The following ENTPD6 variants were observed in gnomAD, a reference collection of about 807,000 sequenced individuals.
ENTPD6 encodes the protein ectonucleoside triphosphate diphosphohydrolase 6, also known as CD39 antigen-like 2.
A neutral mutation model predicts 61.5 loss-of-function variants in ENTPD6; 46 were observed. The observed-to-expected ratio is 0.75, with a 90% CI of 0.59 to 0.96. The LOEUF is 0.96. Among genes scored for constraint, ENTPD6 ranks in the 40% least tolerant of loss-of-function variants. ENTPD6 has a pLI of 0.00. For synonymous variants in ENTPD6, 252 were observed against 255.5 expected (o/e 0.99, Z 0.13); for missense variants, 612 against 629.0 (o/e 0.97, Z 0.29).
intron 12 of ENTPD6, 40 bp from the exon 13 acceptor site, chr20:25,224,061 T>TCA: frequency 6.3e-7 from 1 of 1,597,746 alleles, no homozygotes; most frequent in Non-Finnish European, 8.6e-7. Context: ...ATCGCCAACC[T>TCA]CACAGTGCTC....
At position 25,216,698 on chromosome 20, in the gene ENTPD6, G is replaced by A. The variant is rs1244073035; in HGVS notation, c.760G>A (p.Gly254Arg). ...CAGCGTGGGCATGCTGGACTTGGGC[G>A]GAGGATCCACTCAGATCGCCTTCCT... is the stretch of plus-strand genomic sequence containing the variant. ...GSSVGMLDLG[G>R]GSTQIAFLPR... The change falls in exon 8 of 15, where the codon GGA becomes AGA. Residue 254 changes from glycine (G) to arginine (R), a missense_variant. Gly to Arg is a moderately radical substitution (Grantham distance 125). Transcript: ENST00000376652. 9 of 1,607,552 alleles carry A rather than the reference G, an allele frequency of 5.6e-6. No individual in the cohort carries two copies. The highest frequency in any genetic ancestry group is 2.2e-5 in the East Asian group (1 of 44,690).
chr20:25,207,057 T>C lies in ENTPD6; in HGVS notation c.55-19T>C, dbSNP rs766653494. On this transcript the variant is annotated intron_variant, in intron 2 of 14. Transcript: ENST00000376652. ...AGCACCCTAACGTGCTTTTCCTGCC[T>C]CTCCCCCCTTCCCACCAGCAGCCGC... The C allele has an allele frequency of 5.0e-6, 8 of 1,584,266 alleles. No individual in the cohort carries two copies. Among genetic ancestry groups the C allele is most frequent in the African/African-American group, 4.0e-5 (3 of 74,404 alleles).
intron 13 of ENTPD6, 95 bp from the exon 14 acceptor site, chr20:25,225,110 G>A (rs2092759374): frequency 7.3e-6 from 11 of 1,509,538 alleles, no homozygotes; most frequent in Middle Eastern, 2.2e-4. Context: ...CGGAGCCAGC[G>A]GGTGCCTGTA....
rs2092394749 is a variant in ENTPD6 at position 25,217,696 on chromosome 20, G to A, written c.878+115G>A. On this transcript the variant is annotated intron_variant, in intron 9 of 14. Transcript: ENST00000376652. ...GCAGATCTGGGAATCCCTGTGCTGG[G>A]AATCCACCCAGACCTCTCTCTCCTC... The A allele has an allele frequency of 5.7e-6, 5 of 881,774 alleles. No homozygotes were observed. The South Asian group carries it at 7.3e-5, about 13-fold the overall frequency. The allele number at this position is 881,774 out of a possible 1,614,324, so 54.6% of individuals were successfully genotyped here.
At chr20:25,205,480 G>A (rs6083776) in intron 1 of ENTPD6, among the ~76,000 whole-genome samples, 83,049 of 152,002 alleles carry the variant, frequency 0.55, 23,691 homozygotes, top group East Asian at 0.92. Context: ...GGGCAAGGAC[G>A]AAAGAGGAGT....
At chr20:25,196,118 CA>C in intron 1 of ENTPD6, 1 of 1,192,394 alleles carries the variant, frequency 8.4e-7, no homozygotes, top group Non-Finnish European at 1.0e-6. Flanking sequence ...CCTGTAGCCC[CA>C]GGGGGCCCCA....
At chr20:25,223,852 G>T (rs751707307) in intron 12 of ENTPD6, 25 of 364,532 alleles carry the variant, frequency 6.9e-5, no homozygotes, top group Non-Finnish European at 1.2e-4. Context: ...TTCCTGGTGA[G>T]CTTTCTCGGG....
At position 25,203,809 on chromosome 20, in the gene ENTPD6, C is replaced by T. The variant is rs527436010; in HGVS notation, c.-15-2713C>T. ...TGTGTTTTCCTGTTTCTTTGTATGC[C>T]GTGTGATTTTTTTGCTGAACATTGG... is the stretch of plus-strand genomic sequence containing the variant. On this transcript the variant is annotated intron_variant, in intron 1 of 14. Transcript: ENST00000376652. Among the ~76,000 whole-genome samples the T allele has an allele frequency of 1.7e-4, 26 of 152,218 alleles. No individual in the cohort carries two copies. In the South Asian group the frequency reaches 3.1e-3, roughly 18 times the overall value.
At chr20:25,207,460 T>C (rs1600545683) in intron 3 of ENTPD6, 63 bp downstream of exon 3, 34 of 1,416,784 alleles carry the variant, frequency 2.4e-5, no homozygotes, top group Non-Finnish European at 3.8e-6. Context: ...GTTGGCCGGG[T>C]CCCCTGCCAC....
At chr20:25,205,489 G>A (rs1261006805) in intron 1 of ENTPD6, among the ~76,000 whole-genome samples, 1 of 152,048 alleles carries the variant, frequency 6.6e-6, no homozygotes, top group Non-Finnish European at 1.5e-5. Flanking sequence ...CGAAAGAGGA[G>A]TGCGATGAAG....
intron 9 of ENTPD6, among the ~76,000 whole-genome samples, chr20:25,218,237 T>C (rs567305434): frequency 3.3e-4 from 50 of 152,230 alleles, no homozygotes; most frequent in Non-Finnish European, 6.0e-4. Flanking sequence ...GGCCACCTAT[T>C]GCCACGTGCA....
intron 11 of ENTPD6, chr20:25,222,559 G>C: frequency 2.6e-6 from 1 of 377,540 alleles, no homozygotes; most frequent in Non-Finnish European, 4.8e-6. Flanking sequence ...CTGGTGTCAG[G>C]CATCAGCAGC....
chr20:25,217,195 C>A (rs571886338), intron 8 of ENTPD6, among the ~76,000 whole-genome samples: 1 of 152,126 alleles, frequency 6.6e-6, no homozygotes, highest in Non-Finnish European at 1.5e-5. Flanking sequence ...CCCTCCTCAC[C>A]CACTCATCCT....
chr20:25,196,515 G>GT (rs2090435712), intron 1 of ENTPD6, among the ~76,000 whole-genome samples: 2 of 152,320 alleles, frequency 1.3e-5, no homozygotes, highest in South Asian at 4.1e-4. Flanking sequence ...AAGGGAGGGT[G>GT]TTTTTATTAT....
intron 10 of ENTPD6, among the ~76,000 whole-genome samples, chr20:25,220,855 C>T (rs932640741): frequency 6.8e-6 from 1 of 147,922 alleles, no homozygotes; most frequent in Non-Finnish European, 1.5e-5. Flanking sequence ...GGCATGGTGG[C>T]ACCTGGTGGC....
intron 10 of ENTPD6, among the ~76,000 whole-genome samples, chr20:25,219,710 C>G (rs2092544191): frequency 6.6e-6 from 1 of 152,192 alleles, no homozygotes; most frequent in South Asian, 2.1e-4. Flanking sequence ...TACGTGTGCT[C>G]CAGCCAAATG....
intron 6 of ENTPD6, 89 bp downstream of exon 6, chr20:25,215,031 TC>T: frequency 1.2e-6 from 1 of 850,384 alleles, no homozygotes; most frequent in Non-Finnish European, 2.0e-6. Context: ...CCGCCACCCC[TC>T]CCCGCCCCAT....
At chr20:25,212,574 G>T (rs1411519854) in intron 4 of ENTPD6, among the ~76,000 whole-genome samples, 1 of 152,174 alleles carries the variant, frequency 6.6e-6, no homozygotes, top group East Asian at 1.9e-4. Context: ...AGAAGCAAAG[G>T]CCAGGGATGG....
intron 10 of ENTPD6, among the ~76,000 whole-genome samples, chr20:25,220,138 C>G (rs547306876): frequency 1.3e-5 from 2 of 152,236 alleles, no homozygotes; most frequent in South Asian, 4.1e-4. Flanking sequence ...TGTGAGGACC[C>G]AGGAGAATGA....
Sources: allele counts gnomAD v4.1 joint callset (sites outside exome capture counted in the v4.1 genomes callset), GRCh38; gene constraint gnomAD v4.1.1; transcripts MANE v1.5; gene names NCBI Gene and HGNC (gene_info 2026-07-23, HGNC 2026-07-21).